PUDP: variants seen among roughly 807,000 people sequenced by gnomAD.
PUDP encodes the protein pseudouridine 5'-phosphatase, also known as pseudouridine-5'-phosphatase.
A neutral mutation model predicts 9.4 loss-of-function variants in PUDP; 8 were observed. That is an observed-to-expected ratio of 0.85 (90% CI 0.50 to 1.53). The LOEUF is 1.53. Ranked by LOEUF, PUDP falls within the 40% of genes most tolerant of loss-of-function variation. The pLI is 0.00. For synonymous variants in PUDP, 99 were observed against 80.7 expected (o/e 1.23, Z -1.22); for missense variants, 188 against 189.7 (o/e 0.99, Z 0.05).
chrX:6,866,033 A>T (rs1159906828), intron 3 of PUDP, among the ~76,000 whole-genome samples: 1 of 111,147 alleles, frequency 9.0e-6, no homozygotes, highest in Non-Finnish European at 1.9e-5. Flanking sequence ...CAATCCTCCC[A>T]TTTTAGCTTC....
chrX:7,060,042 G>A (rs1930356047), intron 3 of PUDP, among the ~76,000 whole-genome samples: 1 of 112,049 alleles, frequency 8.9e-6, no homozygotes, highest in Non-Finnish European at 1.9e-5. Context: ...TGAGCACGTG[G>A]CAGCTGGCAA....
intron 1 of PUDP, among the ~76,000 whole-genome samples, chrX:7,003,726 G>C (rs1173715732): frequency 8.9e-6 from 1 of 111,746 alleles, no homozygotes; most frequent in Non-Finnish European, 1.9e-5. Flanking sequence ...TTTTGAAAGG[G>C]GGACAGCGTT....
intron 3 of PUDP, among the ~76,000 whole-genome samples, chrX:6,783,208 C>T (rs34074895): frequency 0.22 from 24,121 of 111,279 alleles, 2,554 homozygotes; most frequent in African/African-American, 0.4. Context: ...AATATTGATT[C>T]TTGCAGAATG....
chrX:6,860,695 C>T (rs1926988170), intron 3 of PUDP, among the ~76,000 whole-genome samples: 1 of 111,399 alleles, frequency 9.0e-6, no homozygotes, highest in Non-Finnish European at 1.9e-5. Flanking sequence ...TGGTCTTGAA[C>T]TCCTGACCTC....
rs1224184377 is a variant in PUDP, at chrX:6,894,915, G to A, written c.*247+82218C>T. On this transcript the variant is annotated intron_variant and NMD_transcript_variant, in intron 3 of 3. Transcript: ENST00000655425. ...TTAAATGATGCTTTCCAAAGTGCAC[G>A]TTTCAACAATTACTTCAAAAAAGAG... Among the ~76,000 whole-genome samples, 6 of 111,471 alleles carry A rather than the reference G, an allele frequency of 5.4e-5. No homozygotes were observed. In the South Asian group the frequency reaches 1.9e-3, roughly 35 times the overall value.
chrX:6,778,314 C>T (rs1925500816), intron 3 of PUDP, among the ~76,000 whole-genome samples: 1 of 112,535 alleles, frequency 8.9e-6, no homozygotes, highest in Non-Finnish European at 1.9e-5. Flanking sequence ...CCTACCCACA[C>T]TCTGGTAAAG....
rs189671296 is a variant in PUDP, at chrX:6,908,042, A to G, written c.*247+69091T>C. Among the ~76,000 whole-genome samples, 4 of 112,363 alleles carry G rather than the reference A, an allele frequency of 3.6e-5. No individual in the cohort carries two copies. In the East Asian group the frequency reaches 8.5e-4, roughly 24 times the overall value. On this transcript the variant is annotated intron_variant and NMD_transcript_variant, in intron 3 of 3. Transcript: ENST00000655425. ...ATGAATGGATGTCATTGCAGACTCTAGCGACCTGCGAGGTCCAGCTTTGGG... is the reference window on the plus strand; with the variant it reads ...ATGAATGGATGTCATTGCAGACTCTGGCGACCTGCGAGGTCCAGCTTTGGG...
At chrX:7,008,145 T>C (rs1929428120) in intron 1 of PUDP, among the ~76,000 whole-genome samples, 1 of 109,098 alleles carries the variant, frequency 9.2e-6, no homozygotes, top group East Asian at 2.9e-4. Context: ...TTTGTATTTT[T>C]AGTAGAGACG....
At position 7,078,382 on chromosome X, in the gene PUDP, T is replaced by C. The variant is rs1189418245; in HGVS notation, c.281-933A>G. Among the ~76,000 whole-genome samples, 3 of 112,154 alleles carry C rather than the reference T, an allele frequency of 2.7e-5. No individual in the cohort carries two copies. In the East Asian group the frequency reaches 8.4e-4, roughly 31 times the overall value. On this transcript the variant is annotated intron_variant, in intron 2 of 3. Transcript: ENST00000381077. ...ATCTTGGCTCACTGCAACCTCGGCC[T>C]CCCAGGTTCAAGCGATTCTCCTGCC...
intron 3 of PUDP, among the ~76,000 whole-genome samples, chrX:7,076,915 G>A (rs1930924087): frequency 1.8e-5 from 2 of 111,812 alleles, no homozygotes; most frequent in Non-Finnish European, 1.9e-5. Context: ...CATTAAAACC[G>A]CCGCTTCCCT....
At chrX:6,990,501 A>G (rs1217777373) in intron 1 of PUDP, among the ~76,000 whole-genome samples, 1 of 112,109 alleles carries the variant, frequency 8.9e-6, no homozygotes, top group East Asian at 2.8e-4. Flanking sequence ...ATCAACAGAA[A>G]ATTAAGTTCC....
At chrX:6,733,400 G>A (rs1464648293) in intron 3 of PUDP, among the ~76,000 whole-genome samples, 1 of 111,598 alleles carries the variant, frequency 9.0e-6, no homozygotes, top group Non-Finnish European at 1.9e-5. Flanking sequence ...AGTCACAGGG[G>A]TGAAGTAGAG....
At chrX:7,065,193 G>A (rs925257766) in intron 3 of PUDP, among the ~76,000 whole-genome samples, 2 of 111,350 alleles carry the variant, frequency 1.8e-5, no homozygotes, top group Admixed American at 9.6e-5. Flanking sequence ...AAACAAACTC[G>A]GGCTTCTCAT....
chrX:7,112,752 C>T (rs1271985173), intron 1 of PUDP, among the ~76,000 whole-genome samples: 2 of 111,549 alleles, frequency 1.8e-5, no homozygotes, highest in African/African-American at 3.3e-5. Flanking sequence ...GCCCTGACCC[C>T]CCGGGCTCAA....
downstream of PUDP, among the ~76,000 whole-genome samples, chrX:7,045,317 G>A (rs1929970968): frequency 8.9e-6 from 1 of 112,559 alleles, no homozygotes; most frequent in South Asian, 3.7e-4. Context: ...GTCTCAGGCA[G>A]TATCTTTTTA....
chrX:7,124,717 C>G (rs1396685941), intron 1 of PUDP, among the ~76,000 whole-genome samples: 1 of 111,037 alleles, frequency 9.0e-6, no homozygotes, highest in East Asian at 2.8e-4. Flanking sequence ...GAGGCCGAGG[C>G]GGGTGGATCA....
intron 3 of PUDP, among the ~76,000 whole-genome samples, chrX:6,918,304 C>T (rs1927966155): frequency 8.9e-6 from 1 of 111,946 alleles, no homozygotes. Context: ...CATTAAGCCT[C>T]GAATGACATC....
upstream of PUDP, among the ~76,000 whole-genome samples, chrX:6,725,690 T>C (rs1391627662): frequency 1.8e-5 from 2 of 112,097 alleles, no homozygotes; most frequent in Non-Finnish European, 3.8e-5. Flanking sequence ...CATCAGAGAC[T>C]TGCAAATTAA....
chrX:7,081,736 G>A (rs970003140), intron 2 of PUDP, among the ~76,000 whole-genome samples: 5 of 112,903 alleles, frequency 4.4e-5, no homozygotes, highest in African/African-American at 1.6e-4. Flanking sequence ...CGCCCTCTTT[G>A]GGCCTCAATT....
Sources: allele counts gnomAD v4.1 joint callset (sites outside exome capture counted in the v4.1 genomes callset), GRCh38; gene constraint gnomAD v4.1.1; transcripts MANE v1.5; gene names NCBI Gene and HGNC (gene_info 2026-07-23, HGNC 2026-07-21).